PANX1: variants seen among roughly 807,000 people sequenced by gnomAD.
The protein encoded by PANX1 is pannexin 1.
A neutral mutation model predicts 38.7 loss-of-function variants in PANX1; 30 were observed. That is an observed-to-expected ratio of 0.78 (90% CI 0.58 to 1.05). PANX1 has a LOEUF of 1.05. Among genes scored for constraint, PANX1 ranks in the 50% least tolerant of loss-of-function variants. PANX1 has a pLI of 0.00. For synonymous variants in PANX1, 230 were observed against 212.2 expected, an observed-to-expected ratio of 1.08 and a Z score of -0.73; for missense variants, 551 against 517.2, an observed-to-expected ratio of 1.07 and a Z score of -0.63.
In PANX1 at chr11:94,161,347, C is replaced by A. The variant is rs2134504592; in HGVS notation, c.321+7717C>A. ...TCCTACTTGGTTCCATTCTCCCTGT[C>A]ACTTTCAGGTACACCAATCAGACGC... On this transcript the variant is annotated intron_variant, in intron 2 of 4. Coordinates refer to ENST00000227638, the MANE Select transcript of PANX1 (RefSeq NM_015368.4). Among the ~76,000 whole-genome samples the A allele has an allele frequency of 2.0e-5, 3 of 152,356 alleles. No individual in the cohort carries two copies. The Middle Eastern group carries it at 0.01, about 518-fold the overall frequency.
At chr11:94,165,486 A>G (rs1947092822) in intron 2 of PANX1, among the ~76,000 whole-genome samples, 1 of 152,202 alleles carries the variant, frequency 6.6e-6, no homozygotes, top group Non-Finnish European at 1.5e-5. Flanking sequence ...TTAAATGTAA[A>G]TGGGCTAAAT....
intron 2 of PANX1, among the ~76,000 whole-genome samples, chr11:94,156,923 G>C (rs1946955528): frequency 6.7e-6 from 1 of 150,320 alleles, no homozygotes; most frequent in African/African-American, 2.5e-5. Context: ...TCCCCTTCCT[G>C]TGTCCATGTG....
chr11:94,132,596 G>T (rs11020655), intron 1 of PANX1, among the ~76,000 whole-genome samples: 1 of 149,552 alleles, frequency 6.7e-6, no homozygotes, highest in African/African-American at 2.6e-5. Flanking sequence ...GTTTGTGTTG[G>T]GGGGGTGGTG....
chr11:94,139,135 T>C (rs1946732934), intron 1 of PANX1, among the ~76,000 whole-genome samples: 1 of 152,232 alleles, frequency 6.6e-6, no homozygotes, highest in South Asian at 2.1e-4. Flanking sequence ...GTTTATATTG[T>C]TCCACTGGTC....
chr11:94,153,207 C>G (rs2134493876), intron 1 of PANX1, among the ~76,000 whole-genome samples: 1 of 152,294 alleles, frequency 6.6e-6, no homozygotes, highest in East Asian at 1.9e-4. Context: ...ATTCTGGGCT[C>G]TGGTTCTTTT....
At chr11:94,133,547 T>C (rs916300004) in intron 1 of PANX1, among the ~76,000 whole-genome samples, 2 of 152,052 alleles carry the variant, frequency 1.3e-5, no homozygotes, top group South Asian at 2.1e-4. Flanking sequence ...TTGAAGGCTT[T>C]TGGACAGTGA....
At chr11:94,149,526 T>C (rs906396338) in intron 1 of PANX1, among the ~76,000 whole-genome samples, 8 of 152,342 alleles carry the variant, frequency 5.3e-5, no homozygotes, top group Middle Eastern at 3.4e-3. Flanking sequence ...TGATCTGTTA[T>C]TATATTTGGC....
chr11:94,155,615 C>T (rs1946941070), intron 2 of PANX1, among the ~76,000 whole-genome samples: 3 of 152,162 alleles, frequency 2.0e-5, no homozygotes, highest in Non-Finnish European at 4.4e-5. Flanking sequence ...TCATAAAGGT[C>T]TTCATCCTCG....
At chr11:94,167,270 C>T (rs1009023468) in intron 2 of PANX1, among the ~76,000 whole-genome samples, 7 of 152,182 alleles carry the variant, frequency 4.6e-5, no homozygotes, top group African/African-American at 1.7e-4. Context: ...ACCGTACTTC[C>T]TACTCTCTTC....
intron 1 of PANX1, among the ~76,000 whole-genome samples, chr11:94,132,380 T>C (rs1946639922): frequency 6.6e-6 from 1 of 152,186 alleles, no homozygotes; most frequent in Admixed American, 6.5e-5. Context: ...TTCTTCTGAC[T>C]CATGAACAGT....
intron 2 of PANX1, among the ~76,000 whole-genome samples, chr11:94,161,251 C>T (rs1422426984): frequency 6.6e-6 from 1 of 152,134 alleles, no homozygotes; most frequent in African/African-American, 2.4e-5. Flanking sequence ...CTCTGTATTT[C>T]CTGAATCTGA....
rs930451424 is a variant in PANX1, at chr11:94,179,657, A to G, written c.601A>G (p.Lys201Glu). Residue 201 changes from lysine (K) to glutamate (E), a missense_variant, in exon 4 of 5, where the codon AAG (lysine) becomes GAG (glutamate). Coordinates refer to ENST00000227638, the MANE Select transcript of PANX1 (RefSeq NM_015368.4). ...GTACCCAATTGTGGAGCAGTACTTG[A>G]AGACAAAGAAAAATTCTAATAATTT... ...FKYPIVEQYL[K>E]TKKNSNNLII... The G allele has an allele frequency of 1.9e-6, 3 of 1,613,470 alleles. No individual in the cohort carries two copies. In the African/African-American group the frequency reaches 4.0e-5, roughly 22 times the overall value.
chr11:94,150,171 C>T (rs1478294921), intron 1 of PANX1, among the ~76,000 whole-genome samples: 1 of 150,756 alleles, frequency 6.6e-6, no homozygotes, highest in Non-Finnish European at 1.5e-5. Context: ...GCAAGAGGGC[C>T]TCCGGGCAGA....
intron 2 of PANX1, among the ~76,000 whole-genome samples, chr11:94,168,619 C>T (rs1246848205): frequency 6.6e-6 from 1 of 151,292 alleles, no homozygotes; most frequent in African/African-American, 2.4e-5. Flanking sequence ...AGGGCCTAGA[C>T]CAGGGTCAGC....
At chr11:94,134,690 C>T (rs1269010226) in intron 1 of PANX1, among the ~76,000 whole-genome samples, 1 of 148,376 alleles carries the variant, frequency 6.7e-6, no homozygotes, top group African/African-American at 2.5e-5. Flanking sequence ...CCCTCTTTCC[C>T]TCTCTCTCCC....
intron 2 of PANX1, among the ~76,000 whole-genome samples, chr11:94,168,891 A>G (rs542919344): frequency 1.3e-5 from 2 of 151,752 alleles, no homozygotes; most frequent in South Asian, 2.1e-4. Context: ...CTGATTGGAC[A>G]TGGGAAGATG....
chr11:94,129,808 T>C (rs1946605893), intron 1 of PANX1, among the ~76,000 whole-genome samples: 1 of 152,226 alleles, frequency 6.6e-6, no homozygotes, highest in African/African-American at 2.4e-5. Flanking sequence ...AGAATAGCTG[T>C]GTCCCCGTTT....
chr11:94,141,905 T>A (rs1049968875), intron 1 of PANX1, among the ~76,000 whole-genome samples: 7 of 152,160 alleles, frequency 4.6e-5, no homozygotes, highest in African/African-American at 1.7e-4. Context: ...CGGTGTCTGG[T>A]ACGTAGGAAG....
At chr11:94,130,976 C>T (rs547732885) in intron 1 of PANX1, among the ~76,000 whole-genome samples, 1 of 152,314 alleles carries the variant, frequency 6.6e-6, no homozygotes, top group African/African-American at 2.4e-5. Flanking sequence ...GCATAGTCAT[C>T]GGGATGTTCT....
Sources: allele counts gnomAD v4.1 joint callset (sites outside exome capture counted in the v4.1 genomes callset), GRCh38; gene constraint gnomAD v4.1.1; transcripts MANE v1.5; gene names NCBI Gene and HGNC (gene_info 2026-07-23, HGNC 2026-07-21).